Variants in RIMBP2 observed in about 807,000 individuals in gnomAD.
RIMBP2 encodes the protein RIMS binding protein 2.
A neutral mutation model predicts 118.6 loss-of-function variants in RIMBP2; 48 were observed. That is an observed-to-expected ratio of 0.40 (90% CI 0.32 to 0.51). The LOEUF is 0.51. Among genes scored for constraint, RIMBP2 ranks in the 20% least tolerant of loss-of-function variants. The pLI is 0.41. For synonymous variants in RIMBP2, 762 were observed against 742.9 expected, an observed-to-expected ratio of 1.03 and a Z score of -0.42; for missense variants, 1,551 against 1,768.3, an observed-to-expected ratio of 0.88 and a Z score of 2.20.
chr12:130,678,357 C>T (rs539380751), intron 1 of RIMBP2, among the ~76,000 whole-genome samples: 7 of 152,364 alleles, frequency 4.6e-5, no homozygotes, highest in African/African-American at 9.6e-5. Context: ...CATCCGTCAG[C>T]GGATAGGTGG....
At chr12:130,399,893 T>C in intron 21 of RIMBP2, 80 bp from the exon 22 acceptor site, 1 of 1,478,704 alleles carries the variant, frequency 6.8e-7, no homozygotes, top group Non-Finnish European at 9.3e-7. Context: ...GGAATACAGC[T>C]CAGAGTACAG....
intron 20 of RIMBP2, among the ~76,000 whole-genome samples, chr12:130,406,981 C>T (rs959461688): frequency 6.6e-6 from 1 of 152,210 alleles, no homozygotes; most frequent in Non-Finnish European, 1.5e-5. Flanking sequence ...GGCCGGGCTG[C>T]AGCCCCAAAG....
At chr12:130,554,432 A>T (rs578050455) in intron 2 of RIMBP2, among the ~76,000 whole-genome samples, 37 of 152,324 alleles carry the variant, frequency 2.4e-4, no homozygotes, top group African/African-American at 8.4e-4. Context: ...GTGCATCTGA[A>T]CTAGGTGTGA....
chr12:130,664,471 G>GCACACA lies in RIMBP2; in HGVS notation c.-351-36016_-351-36015insTGTGTG, dbSNP rs1566439447. On this transcript the variant is annotated intron_variant, in intron 1 of 22. Coordinates refer to ENST00000690449, the MANE Select transcript of RIMBP2 (RefSeq NM_001393629.1). ...CGCACACACATGCACGCACACACAC[G>GCACACA]CACGCACACGCATCACACACTCCCC... Among the ~76,000 whole-genome samples, 3 of 130,470 alleles carry GCACACA rather than the reference G, an allele frequency of 2.3e-5. 1 individual carries two copies. The highest frequency in any genetic ancestry group is 3.3e-5 in the Non-Finnish European group (2 of 60,530). 85.6% of individuals were successfully genotyped at this position (130,470 alleles called of 152,430 possible).
At chr12:130,712,029 T>C (rs1465613492) in intron 1 of RIMBP2, among the ~76,000 whole-genome samples, 1 of 152,158 alleles carries the variant, frequency 6.6e-6, no homozygotes, top group Non-Finnish European at 1.5e-5. Context: ...GGAAGTAAGA[T>C]CTAAAAGATA....
rs1055204682 is a variant in RIMBP2, at chr12:130,683,008, C to T, written c.-352+33214G>A. 1.3e-5 allele frequency among the ~76,000 whole-genome samples: 2 copies of T among 152,172 alleles called. No homozygotes were observed. Among genetic ancestry groups the T allele is most frequent in the African/African-American group, 4.8e-5 (2 of 41,438 alleles). On this transcript the variant is annotated intron_variant, in intron 1 of 22. Transcript: ENST00000690449. This position sits in a 1 kb window ranked among gnomAD's most constrained non-coding sequence, Gnocchi z 4.4. ...GTTGTCTAATTATGTCGGAGGCGCACTATGTCTCATTCTTTTATCTTTAAG... is the reference window on the plus strand; with the variant it reads ...GTTGTCTAATTATGTCGGAGGCGCATTATGTCTCATTCTTTTATCTTTAAG...
rs1950052433 is a variant in RIMBP2, at chr12:130,713,203, A to AAGGAAGGAAGAT, written c.-352+3018_-352+3019insATCTTCCTTCCT. ...GAAGGAAGGAAAGAAGGAAGGAAGG[A>AAGGAAGGAAGAT]AGGAAGATAGGAAGGAAGGAAGGAA... On this transcript the variant is annotated intron_variant, in intron 1 of 22. Transcript: ENST00000690449. Among the ~76,000 whole-genome samples the AAGGAAGGAAGAT allele has an allele frequency of 9.0e-5, 13 of 144,856 alleles. 1 individual carries two copies. Among genetic ancestry groups the AAGGAAGGAAGAT allele is most frequent in the Middle Eastern group, 3.6e-3 (1 of 280 alleles).
At position 130,640,107 on chromosome 12, in the gene RIMBP2, G is replaced by A. The variant is rs144843631; in HGVS notation, c.-351-11651C>T. On this transcript the variant is annotated intron_variant, in intron 1 of 22. Transcript: ENST00000690449. ...CGCCCCAGAACAATGGGCATCTCAC[G>A]ATGTTATTCTCGATCACAGACATTT... 1.2e-3 allele frequency among the ~76,000 whole-genome samples: 184 copies of A among 152,244 alleles called. 1 individual carries two copies. Among genetic ancestry groups the A allele is most frequent in the African/African-American group, 4.0e-3 (167 of 41,546 alleles).
intron 1 of RIMBP2, among the ~76,000 whole-genome samples, chr12:130,699,693 C>T (rs1207718318): frequency 6.6e-6 from 1 of 151,810 alleles, no homozygotes; most frequent in African/African-American, 2.4e-5. Context: ...CAAACCTGCA[C>T]ATTGTGCACA....
rs982162376 is a variant in RIMBP2, at chr12:130,446,199, T to A, written c.582-930A>T. On this transcript the variant is annotated intron_variant, in intron 9 of 22. Transcript: ENST00000690449. The surrounding 1 kb of genome is among the most constrained non-coding windows in gnomAD (Gnocchi z 4.1). Reference sequence around the variant, plus strand: ...TTAACTTAAAATAACAGCGAAGAACTCATTAAAAAATGAAAATAACATTAG... The same window carrying A: ...TTAACTTAAAATAACAGCGAAGAACACATTAAAAAATGAAAATAACATTAG... 3.9e-5 allele frequency among the ~76,000 whole-genome samples: 6 copies of A among 152,172 alleles called. No individual in the cohort carries two copies. The highest frequency in any genetic ancestry group is 1.4e-4 in the African/African-American group (6 of 41,428).
At chr12:130,641,206 GC>G (rs2062603332) in intron 1 of RIMBP2, among the ~76,000 whole-genome samples, 1 of 152,186 alleles carries the variant, frequency 6.6e-6, no homozygotes, top group South Asian at 2.1e-4. Flanking sequence ...TCTTCTGTTT[GC>G]CATTCCAAGG....
intron 2 of RIMBP2, among the ~76,000 whole-genome samples, chr12:130,543,757 G>GAA (rs56394528): frequency 1.1e-4 from 16 of 141,548 alleles, no homozygotes; most frequent in South Asian, 2.3e-4. Flanking sequence ...GCACCAGGTG[G>GAA]AAAAAAAAAA....
intron 5 of RIMBP2, chr12:130,471,932 T>C (rs531264693): frequency 1.3e-5 from 2 of 153,440 alleles, no homozygotes; most frequent in East Asian, 1.9e-4. Flanking sequence ...CGGAGGGCAA[T>C]GGGCCTCTGC....
chr12:130,411,124 T>C (rs1452071388), intron 19 of RIMBP2, among the ~76,000 whole-genome samples: 4 of 152,258 alleles, frequency 2.6e-5, no homozygotes. Flanking sequence ...GGCACTACTT[T>C]TAAAAATTTT....
rs1276575864 is a variant in RIMBP2 at position 130,420,408 on chromosome 12, G to A, written c.3238+2045C>T. On this transcript the variant is annotated intron_variant, in intron 17 of 22. Coordinates refer to ENST00000690449, the MANE Select transcript of RIMBP2 (RefSeq NM_001393629.1). The surrounding 1 kb of genome is among the most constrained non-coding windows in gnomAD (Gnocchi z 4.3). Reference sequence around the variant, plus strand: ...TCAGAGGCTTTTTCCTTGTTAAGGTGTTGACATAGATTTGCTCTTTCACCC... The same window carrying A: ...TCAGAGGCTTTTTCCTTGTTAAGGTATTGACATAGATTTGCTCTTTCACCC... 6.6e-6 allele frequency among the ~76,000 whole-genome samples: 1 copy of A among 152,176 alleles called. No individual in the cohort carries two copies. The highest frequency in any genetic ancestry group is 1.5e-5 in the Non-Finnish European group (1 of 68,026).
chr12:130,470,610 CA>C, intron 6 of RIMBP2, 82 bp downstream of exon 6: 1 of 751,300 alleles, frequency 1.3e-6, no homozygotes, highest in Non-Finnish European at 1.8e-6. Flanking sequence ...TCATAAACAT[CA>C]TCTATTATTT....
At chr12:130,709,956 G>A (rs1949786176) in intron 1 of RIMBP2, among the ~76,000 whole-genome samples, 1 of 152,122 alleles carries the variant, frequency 6.6e-6, no homozygotes, top group South Asian at 2.1e-4. Context: ...GGGGCAAGGA[G>A]GACCTTCCAC....
intron 2 of RIMBP2, among the ~76,000 whole-genome samples, chr12:130,612,890 C>A (rs2060645803): frequency 6.6e-6 from 1 of 151,980 alleles, no homozygotes; most frequent in Admixed American, 6.5e-5. Flanking sequence ...AAAACAGCTT[C>A]TCCTTTCCCT....
chr12:130,538,803 G>C (rs2054300063), intron 2 of RIMBP2, among the ~76,000 whole-genome samples: 1 of 152,176 alleles, frequency 6.6e-6, no homozygotes, highest in African/African-American at 2.4e-5. Flanking sequence ...GAGAGTCATG[G>C]GCAGTGACAA....
Sources: gnomAD v4.1 joint callset for allele counts (sites outside exome capture counted in the v4.1 genomes callset) on GRCh38, gnomAD v4.1.1 for gene constraint, Gnocchi (gnomAD v3.1) non-coding constraint, MANE v1.5 for transcripts, NCBI Gene and HGNC (gene_info 2026-07-23, HGNC 2026-07-21) for gene names.